Variants in CHD6 observed in about 807,000 individuals in gnomAD.
The protein encoded by CHD6 is chromodomain helicase DNA binding protein 6, also known as ATP-dependent chromatin remodeler CHD6.
CHD6 carries 50 observed loss-of-function variants against 276.9 expected under a neutral mutation model. The ratio of observed to expected loss-of-function variants is 0.18; its 90% CI spans 0.14 to 0.23. CHD6 has a LOEUF of 0.23. CHD6 is among the 10% of genes least tolerant of loss of function. The pLI is 1.00. For missense variants in CHD6, 2,564 were observed against 3,365.8 expected, an observed-to-expected ratio of 0.76 and a Z score of 5.89; for synonymous variants, 1,173 against 1,229.3, an observed-to-expected ratio of 0.95 and a Z score of 0.96.
intron 14 of CHD6, among the ~76,000 whole-genome samples, chr20:41,485,402 G>T (rs2145838806): frequency 6.6e-6 from 1 of 152,310 alleles, no homozygotes; most frequent in African/African-American, 2.4e-5. Context: ...AATAAGGGAA[G>T]ATGAAAGTGC....
At chr20:41,495,374 G>T (rs986435913) in intron 8 of CHD6, among the ~76,000 whole-genome samples, 1 of 152,158 alleles carries the variant, frequency 6.6e-6, no homozygotes, top group Non-Finnish European at 1.5e-5. Context: ...GACAAATATT[G>T]TATGATCTCA....
intron 14 of CHD6, among the ~76,000 whole-genome samples, chr20:41,485,011 C>T (rs1038577155): frequency 9.2e-5 from 14 of 152,208 alleles, no homozygotes; most frequent in African/African-American, 3.4e-4. Flanking sequence ...GAAACTTAGA[C>T]GCTGAGAGAA....
intron 1 of CHD6, among the ~76,000 whole-genome samples, chr20:41,602,683 G>A (rs2045785864): frequency 6.6e-6 from 1 of 152,036 alleles, no homozygotes; most frequent in African/African-American, 2.4e-5. Context: ...AATTTTAAAA[G>A]GACAATTTTA....
chr20:41,560,771 C>T (rs1345999217), intron 1 of CHD6, among the ~76,000 whole-genome samples: 2 of 150,454 alleles, frequency 1.3e-5, no homozygotes, highest in South Asian at 2.1e-4. Context: ...AGTATTCTTC[C>T]TTCACACCTT....
At chr20:41,522,224 T>C (rs1601076706) in intron 3 of CHD6, among the ~76,000 whole-genome samples, 1 of 152,092 alleles carries the variant, frequency 6.6e-6, no homozygotes, top group Non-Finnish European at 1.5e-5. Flanking sequence ...TGCATGCCTG[T>C]AGTCCCAGGT....
In CHD6 at chr20:41,413,370, A is replaced by C. The variant is rs1343926759; in HGVS notation, c.7085T>G (p.Leu2362Arg). Reference sequence around the variant, plus strand: ...TAAGGAGTAGTCAGCCTGCTGCCTTAGCCAGTCAAGCAGACTCTTGCTGGG... The same window carrying C: ...TAAGGAGTAGTCAGCCTGCTGCCTTCGCCAGTCAAGCAGACTCTTGCTGGG... ...SIPSKSLLDW[L>R]RQQADYSLEV... Residue 2362 changes from leucine to arginine, a missense_variant, in exon 35 of 37, where the codon CTA (leucine) becomes CGA (arginine). Coordinates refer to ENST00000373233, the MANE Select transcript of CHD6 (RefSeq NM_032221.5). 4.3e-6 allele frequency: 7 copies of C among 1,611,886 alleles called. No homozygotes were observed. Among genetic ancestry groups the C allele is most frequent in the Non-Finnish European group, 5.9e-6 (7 of 1,179,874 alleles).
chr20:41,497,939 T>A (rs868459675), intron 7 of CHD6: 3 of 505,320 alleles, frequency 5.9e-6, no homozygotes, highest in Middle Eastern at 5.4e-4. Context: ...TCTGAGCCAA[T>A]GGTCTTGGGT....
At chr20:41,537,710 T>A (rs960935010) in intron 2 of CHD6, among the ~76,000 whole-genome samples, 3 of 152,098 alleles carry the variant, frequency 2.0e-5, no homozygotes, top group Admixed American at 1.3e-4. Context: ...AAGATGGCTA[T>A]AATAAAAAAG....
Position 41,551,245 on chromosome 20 carries a change from T to C in CHD6, c.33+60A>G, listed in dbSNP as rs530855351. Reference sequence around the variant, plus strand: ...AAGCCAACACTGCCAGTGTCTCCCCTTGTTGAAAAAGCACCAAGATACCCG... The same window carrying C: ...AAGCCAACACTGCCAGTGTCTCCCCCTGTTGAAAAAGCACCAAGATACCCG... On this transcript the variant is annotated intron_variant, in intron 2 of 36. Transcript: ENST00000373233. 2.0e-4 allele frequency: 227 copies of C among 1,119,636 alleles called. 3 individuals are homozygous for C. The South Asian group carries it at 2.8e-3, about 14-fold the overall frequency. The allele number at this position is 1,119,636 out of a possible 1,614,324, so 69.4% of individuals were successfully genotyped here.
chr20:41,591,006 T>A (rs974429066), intron 1 of CHD6, among the ~76,000 whole-genome samples: 1 of 151,666 alleles, frequency 6.6e-6, no homozygotes, highest in Non-Finnish European at 1.5e-5. Flanking sequence ...GTGGCACATA[T>A]ACACCATGGA....
chr20:41,439,387 CAT>C lies in CHD6; in HGVS notation c.4007+611_4007+612del, dbSNP rs534677745. On this transcript the variant is annotated intron_variant, in intron 26 of 36. Coordinates refer to ENST00000373233, the MANE Select transcript of CHD6 (RefSeq NM_032221.5). ...AAAAAAAAAGCTATGTTTTCAAAAA[CAT>C]ATATATAATTTGAAGAACTACAATT... Among the ~76,000 whole-genome samples the C allele has an allele frequency of 1.6e-4, 24 of 151,804 alleles. 2 individuals carry two copies. In the South Asian group the frequency reaches 3.5e-3, roughly 22 times the overall value.
chr20:41,616,048 T>C (rs1273518542), intron 1 of CHD6, among the ~76,000 whole-genome samples: 1 of 152,234 alleles, frequency 6.6e-6, no homozygotes, highest in East Asian at 1.9e-4. Context: ...AGGTTTTCTT[T>C]GGTATTTGAA....
Position 41,489,881 on chromosome 20 carries a change from C to T in CHD6, c.1577G>A (p.Arg526Gln). 1.9e-6 allele frequency: 3 copies of T among 1,613,936 alleles called. No individual in the cohort carries two copies. Among genetic ancestry groups the T allele is most frequent in the Non-Finnish European group, 2.5e-6 (3 of 1,179,948 alleles). ...APLSTITNWE[R>Q]EFRTWTEMNA... Reference sequence around the variant, plus strand: ...CATCTCTGTCCATGTCCGGAACTCCCGCTCCCAGTTAGTGATGGTGGAGAG... The same window carrying T: ...CATCTCTGTCCATGTCCGGAACTCCTGCTCCCAGTTAGTGATGGTGGAGAG... Residue 526 changes from arginine (R) to glutamine (Q), a missense_variant, in exon 12 of 37, where the codon CGG becomes CAG. Arg to Gln is a conservative substitution (Grantham distance 43, BLOSUM62 1). Around this residue, in one of 7 missense-constraint regions of CHD6, gnomAD observed 457 missense variants for 889.0 expected, o/e 0.51. Transcript: ENST00000373233.
At chr20:41,572,809 C>G (rs549746721) in intron 1 of CHD6, among the ~76,000 whole-genome samples, 2 of 152,184 alleles carry the variant, frequency 1.3e-5, no homozygotes, top group East Asian at 3.8e-4. Flanking sequence ...GGAAAAAGGT[C>G]CTCTTATCCC....
chr20:41,586,530 A>G (rs1242223486), intron 1 of CHD6, among the ~76,000 whole-genome samples: 3 of 152,220 alleles, frequency 2.0e-5, no homozygotes, highest in Non-Finnish European at 4.4e-5. Flanking sequence ...TGTGAGGCCA[A>G]GAACCCCAGG....
At chr20:41,546,799 A>G (rs928070824) in intron 2 of CHD6, among the ~76,000 whole-genome samples, 3 of 152,230 alleles carry the variant, frequency 2.0e-5, no homozygotes, top group Non-Finnish European at 2.9e-5. Flanking sequence ...AATGTAGATA[A>G]AAGTCTATAG....
chr20:41,405,107 G>A lies in CHD6; in HGVS notation c.7634C>T (p.Thr2545Ile). ...AGACGCCGGAGCAGTGGAAGTGCAG[G>A]TGGTTGCCATGGGTGGACTGAGGAG... The part of the protein sequence containing the change: ...GGLLSPPMAT[T>I]CTSTAPASLS... Residue 2545 changes from threonine (T) to isoleucine (I), a missense_variant, in exon 37 of 37, where the codon ACC becomes ATC. Thr to Ile is a moderately conservative substitution (Grantham distance 89, BLOSUM62 -1). This residue lies in a region of CHD6 where 238 missense variants were observed against 266.0 expected (regional missense o/e 0.89). Coordinates refer to ENST00000373233, the MANE Select transcript of CHD6 (RefSeq NM_032221.5). The A allele has an allele frequency of 6.2e-7, 1 of 1,614,232 alleles. No individual in the cohort carries two copies.
At chr20:41,539,981 A>G (rs1568688962) in intron 2 of CHD6, among the ~76,000 whole-genome samples, 1 of 152,258 alleles carries the variant, frequency 6.6e-6, no homozygotes, top group Non-Finnish European at 1.5e-5. Context: ...TACGAATGCT[A>G]GCTTTTTAAA....
At chr20:41,557,837 A>T (rs541921472) in intron 1 of CHD6, among the ~76,000 whole-genome samples, 4 of 152,172 alleles carry the variant, frequency 2.6e-5, no homozygotes, top group Non-Finnish European at 5.9e-5. Flanking sequence ...AACTCTAAAA[A>T]TGAGACCCAC....
Sources: gnomAD v4.1 joint callset for allele counts (sites outside exome capture counted in the v4.1 genomes callset) on GRCh38, gnomAD v4.1.1 for gene constraint, gnomAD v4.1.1 regional missense constraint, MANE v1.5 for transcripts, NCBI Gene and HGNC (gene_info 2026-07-23, HGNC 2026-07-21) for gene names.